Variants in NLRP5 observed in about 807,000 individuals in gnomAD.
The protein encoded by NLRP5 is NLR family pyrin domain containing 5, also known as NACHT, LRR and PYD domains-containing protein 5.
NLRP5 carries 93 observed loss-of-function variants against 113.1 expected under a neutral mutation model. That is an observed-to-expected ratio of 0.82 (90% CI 0.70 to 0.98). The LOEUF (loss-of-function observed/expected upper bound fraction) is 0.98, where lower values mean the gene tolerates loss of function less well. Among genes scored for constraint, NLRP5 ranks in the 50% least tolerant of loss-of-function variants. The pLI is 0.00. For synonymous variants in NLRP5, 751 were observed against 600.7 expected, an observed-to-expected ratio of 1.25 and a Z score of -3.66; for missense variants, 1,808 against 1,514.3, an observed-to-expected ratio of 1.19 and a Z score of -3.22.
the NLRP5 span, among the ~76,000 whole-genome samples, chr19:55,989,051 T>C: frequency 6.6e-6 from 1 of 152,194 alleles, no homozygotes; most frequent in South Asian, 2.1e-4. Context: ...GAAAAGCTTA[T>C]TTTCTTGCTA....
At chr19:56,012,110 C>G (rs1296097331) in intron 3 of NLRP5, among the ~76,000 whole-genome samples, 2 of 151,970 alleles carry the variant, frequency 1.3e-5, no homozygotes. Context: ...TATAAATCCA[C>G]CCCCACAAGG....
the NLRP5 span, among the ~76,000 whole-genome samples, chr19:55,991,770 A>G: frequency 6.6e-6 from 1 of 152,292 alleles, no homozygotes; most frequent in Admixed American, 6.5e-5. Context: ...TTGCTTTCCT[A>G]TCAAATATAA....
intron 2 of NLRP5, among the ~76,000 whole-genome samples, chr19:56,007,934 T>TGTGTG (rs1982008388): frequency 7.7e-6 from 1 of 129,138 alleles, no homozygotes; most frequent in African/African-American, 3.3e-5. Flanking sequence ...TGTGTGTGTG[T>TGTGTG]TTGAAACAGA....
In NLRP5 at chr19:56,015,842, A is replaced by T. The variant is rs779663348; in HGVS notation, c.565+44A>T. On this transcript the variant is annotated intron_variant, in intron 4 of 14. Transcript: ENST00000390649. The stretch of plus-strand genomic sequence containing the variant: ...TTCATTTGTTGCCCTCCTGGAAGAA[A>T]GTTGGGTGAGAGAAGTTCATGTAGT... 13 of 1,470,032 alleles carry T rather than the reference A, an allele frequency of 8.8e-6. No individual in the cohort carries two copies. The African/African-American group carries it at 1.5e-4, about 17-fold the overall frequency. 91.1% of individuals were successfully genotyped at this position (1,470,032 alleles called of 1,614,324 possible). A position where few individuals can be genotyped will look rare whatever the true frequency, so the allele number is the denominator to read the frequency against.
chr19:55,990,999 T>A, the NLRP5 span, among the ~76,000 whole-genome samples: 2 of 151,928 alleles, frequency 1.3e-5, no homozygotes, highest in Non-Finnish European at 2.9e-5. Flanking sequence ...AAAAAAAAAA[T>A]TCCGCTGAGC....
At chr19:56,053,185 C>G (rs894030864) in intron 12 of NLRP5, among the ~76,000 whole-genome samples, 2 of 152,084 alleles carry the variant, frequency 1.3e-5, no homozygotes, top group African/African-American at 4.8e-5. Flanking sequence ...CACCTGAGGT[C>G]AGGAGTTTGA....
At chr19:56,061,321 C>T in intron 14 of NLRP5, 75 bp from the exon 15 acceptor site, 2 of 1,533,254 alleles carry the variant, frequency 1.3e-6, no homozygotes, top group Non-Finnish European at 1.8e-6. Flanking sequence ...CTTGATGAGG[C>T]TACCAGGAAT....
chr19:56,028,599 G>C, intron 7 of NLRP5, 90 bp downstream of exon 7: 1 of 1,253,858 alleles, frequency 8.0e-7, no homozygotes. Context: ...GGAACTTCAA[G>C]GTCCCAGAGA....
intron 11 of NLRP5, among the ~76,000 whole-genome samples, chr19:56,043,542 CTTTTTTTT>C (rs369622191): frequency 4.6e-4 from 43 of 92,838 alleles, no homozygotes; most frequent in Non-Finnish European, 7.2e-4. Flanking sequence ...CTCTGCTATT[CTTTTTTTT>C]TTTTTTTTTT....
intron 4 of NLRP5, among the ~76,000 whole-genome samples, chr19:56,018,254 T>A (rs1982484196): frequency 6.6e-6 from 1 of 152,230 alleles, no homozygotes; most frequent in Admixed American, 6.5e-5. Context: ...ATCTATAATT[T>A]TTCTCTAATT....
chr19:56,008,724 T>C (rs1234844296), intron 2 of NLRP5, 64 bp from the exon 3 acceptor site: 2 of 1,422,192 alleles, frequency 1.4e-6, no homozygotes, highest in Non-Finnish European at 1.9e-6. Flanking sequence ...GACATTCTTA[T>C]CCTTGGCTTG....
the NLRP5 span, among the ~76,000 whole-genome samples, chr19:55,991,750 C>T: frequency 4.6e-5 from 7 of 152,270 alleles, no homozygotes; most frequent in South Asian, 8.3e-4. Context: ...TATACCTCCT[C>T]TTTATCTGAT....
chr19:56,046,518 A>G (rs1390688155), intron 11 of NLRP5, among the ~76,000 whole-genome samples: 1 of 150,778 alleles, frequency 6.6e-6, no homozygotes, highest in Non-Finnish European at 1.5e-5. Context: ...CTTGTGGAAT[A>G]GTGTCGAAAG....
intron 11 of NLRP5, among the ~76,000 whole-genome samples, chr19:56,045,065 A>G (rs1441033670): frequency 1.3e-5 from 2 of 152,226 alleles, no homozygotes; most frequent in African/African-American, 2.4e-5. Flanking sequence ...TTAATCTTGT[A>G]TCTGGACACT....
At chr19:56,008,558 C>T (rs1399525233) in intron 2 of NLRP5, among the ~76,000 whole-genome samples, 1 of 152,162 alleles carries the variant, frequency 6.6e-6, no homozygotes, top group African/African-American at 2.4e-5. Context: ...GGCCATCCAG[C>T]AAAACGGCCA....
At chr19:56,040,674 G>A (rs892239804) in intron 10 of NLRP5, among the ~76,000 whole-genome samples, 14 of 152,186 alleles carry the variant, frequency 9.2e-5, no homozygotes, top group Non-Finnish European at 1.8e-4. Flanking sequence ...AGCAGTGATT[G>A]TTGCCCAGCC....
Position 56,027,331 on chromosome 19 carries a change from C to G in NLRP5, c.1098C>G (p.Asp366Glu). 6.2e-7 allele frequency: 1 copy of G among 1,612,878 alleles called. No individual in the cohort carries two copies. The highest frequency in any genetic ancestry group is 8.5e-7 in the Non-Finnish European group (1 of 1,179,856). The stretch of plus-strand genomic sequence containing the variant: ...TGTTCATCATTGACGGTTTCGATGA[C>G]CTGGGCTCTGTCCTCAACAATGACA... The change falls in exon 7 of 15, where the codon GAC (aspartate) becomes GAG (glutamate). Residue 366 changes from aspartate to glutamate, a missense_variant. Physicochemically the swap from Asp to Glu is conservative, Grantham distance 45. Transcript: ENST00000390649.
At position 56,028,392 on chromosome 19, in the gene NLRP5, T is replaced by A; in HGVS notation, c.2159T>A (p.Leu720Ter). Residue 720 changes from leucine to a stop codon, truncating the protein, a stop_gained, in exon 7 of 15, where the codon TTG becomes TAG. Coordinates refer to ENST00000390649, the MANE Select transcript of NLRP5 (RefSeq NM_153447.4). LOFTEE classifies it high-confidence loss of function. ...CTTCCGATTAACCAGAACCTGGACTTGATAGCATCTTCCTTCTGCCTCCAG... is the reference window on the plus strand; with the variant it reads ...CTTCCGATTAACCAGAACCTGGACTAGATAGCATCTTCCTTCTGCCTCCAG... 6.2e-7 allele frequency: 1 copy of A among 1,613,962 alleles called. No individual in the cohort carries two copies. The highest frequency in any genetic ancestry group is 8.5e-7 in the Non-Finnish European group (1 of 1,179,868).
intron 13 of NLRP5, among the ~76,000 whole-genome samples, chr19:56,055,531 CTCTG>C (rs1330021303): frequency 1.4e-5 from 1 of 71,300 alleles, no homozygotes; most frequent in Non-Finnish European, 3.3e-5. Context: ...ATTTTTCTTT[CTCTG>C]TCTTTTTTTT....
Sources: gnomAD v4.1 joint callset for allele counts (sites outside exome capture counted in the v4.1 genomes callset) on GRCh38, gnomAD v4.1.1 for gene constraint, MANE v1.5 for transcripts, NCBI Gene and HGNC (gene_info 2026-07-23, HGNC 2026-07-21) for gene names.